CAMTA1: variants seen among roughly 807,000 people sequenced by gnomAD.
CAMTA1 encodes the protein calmodulin binding transcription activator 1.
CAMTA1 carries 27 observed loss-of-function variants against 170.9 expected under a neutral mutation model. The observed-to-expected ratio is 0.16, with a 90% CI of 0.12 to 0.22. The LOEUF (loss-of-function observed/expected upper bound fraction) is 0.22, where lower values mean the gene tolerates loss of function less well. CAMTA1 is among the 10% of genes least tolerant of loss of function. The pLI is 1.00. For missense variants in CAMTA1, 1,619 were observed against 2,217.2 expected, an observed-to-expected ratio of 0.73 and a Z score of 5.42; for synonymous variants, 833 against 891.5, an observed-to-expected ratio of 0.93 and a Z score of 1.17.
chr1:7,136,152 G>A (rs1162396592), intron 4 of CAMTA1, among the ~76,000 whole-genome samples: 6 of 152,190 alleles, frequency 3.9e-5, no homozygotes, highest in Non-Finnish European at 7.3e-5. Flanking sequence ...ACAATATCAT[G>A]TGGTCTCCTC....
chr1:7,712,411 C>CTT, intron 11 of CAMTA1, among the ~76,000 whole-genome samples: 1 of 151,990 alleles, frequency 6.6e-6, no homozygotes, highest in Non-Finnish European at 1.5e-5. Context: ...ACTCCCACTG[C>CTT]CCAGGCTCAA....
intron 5 of CAMTA1, among the ~76,000 whole-genome samples, chr1:7,419,200 A>G (rs2091397451): frequency 6.1e-5 from 2 of 32,658 alleles, no homozygotes; most frequent in South Asian, 1.9e-3. Context: ...CTTGTTGCCC[A>G]GGCTGGAATG....
At chr1:7,088,871 G>A (rs141781114) in intron 3 of CAMTA1, among the ~76,000 whole-genome samples, 5 of 152,218 alleles carry the variant, frequency 3.3e-5, no homozygotes, top group African/African-American at 7.2e-5. Flanking sequence ...GTAAATCCAC[G>A]TACTGACTCC....
chr1:7,029,378 T>C (rs1702472011), intron 3 of CAMTA1, among the ~76,000 whole-genome samples: 1 of 150,852 alleles, frequency 6.6e-6, no homozygotes, highest in Admixed American at 6.7e-5. Context: ...GGCGGGTGCC[T>C]GTAGTCCCAG....
chr1:7,552,974 C>T (rs1375572110), intron 6 of CAMTA1, among the ~76,000 whole-genome samples: 4 of 152,146 alleles, frequency 2.6e-5, no homozygotes, highest in Admixed American at 6.5e-5. Flanking sequence ...CCCCAACAGC[C>T]GGTGAGGACA....
At chr1:7,511,173 C>G (rs2094197600) in intron 6 of CAMTA1, among the ~76,000 whole-genome samples, 1 of 145,274 alleles carries the variant, frequency 6.9e-6, no homozygotes, top group Non-Finnish European at 1.5e-5. Context: ...TAGCAGGGCA[C>G]CTTGCATAGT....
chr1:6,864,044 A>C (rs566774049), intron 3 of CAMTA1, among the ~76,000 whole-genome samples: 1 of 152,204 alleles, frequency 6.6e-6, no homozygotes, highest in African/African-American at 2.4e-5. Flanking sequence ...AAGGAAGACC[A>C]CAGCGGCAAA....
At chr1:7,337,046 T>G (rs992469629) in intron 5 of CAMTA1, among the ~76,000 whole-genome samples, 2 of 152,246 alleles carry the variant, frequency 1.3e-5, no homozygotes, top group African/African-American at 4.8e-5. Flanking sequence ...GAGCAATAAC[T>G]AATACATGAC....
intron 5 of CAMTA1, among the ~76,000 whole-genome samples, chr1:7,276,278 C>CATATATATATATATATAT (rs1210333666): frequency 3.8e-4 from 22 of 58,528 alleles, no homozygotes; most frequent in East Asian, 1.5e-3. Context: ...TACACCTGAT[C>CATATATATATATATATAT]ATATATATAT....
In CAMTA1 at chr1:7,510,976, G is replaced by C. The variant is rs1246986978; in HGVS notation, c.510+43075G>C. ...CCCACTCTAAAGCCACCTTTTCCAGGGAGGCTCCTGGGAGCTTCGAGCCTC... is the reference window on the plus strand; with the variant it reads ...CCCACTCTAAAGCCACCTTTTCCAGCGAGGCTCCTGGGAGCTTCGAGCCTC... On this transcript the variant is annotated intron_variant, in intron 6 of 22. Coordinates refer to ENST00000303635, the MANE Select transcript of CAMTA1 (RefSeq NM_015215.4). 1.4e-5 allele frequency among the ~76,000 whole-genome samples: 2 copies of C among 144,634 alleles called. 1 individual carries two copies. Among genetic ancestry groups the C allele is most frequent in the Non-Finnish European group, 3.1e-5 (2 of 64,534 alleles). The allele number at this position is 144,634 out of a possible 152,430, so 94.9% of individuals were successfully genotyped here.
chr1:7,619,670 G>A (rs1035557478), intron 6 of CAMTA1, among the ~76,000 whole-genome samples: 11 of 148,462 alleles, frequency 7.4e-5, no homozygotes, highest in African/African-American at 2.3e-4. Flanking sequence ...TTTTTTTTGA[G>A]ATGGAGTCTC....
intron 11 of CAMTA1, among the ~76,000 whole-genome samples, chr1:7,717,577 C>T (rs1010374165): frequency 5.9e-5 from 9 of 151,938 alleles, no homozygotes; most frequent in Non-Finnish European, 1.3e-4. Flanking sequence ...GAAACCCTAC[C>T]TCTACCAAAA....
At chr1:7,053,436 C>T (rs532363378) in intron 3 of CAMTA1, among the ~76,000 whole-genome samples, 8 of 152,362 alleles carry the variant, frequency 5.3e-5, no homozygotes, top group East Asian at 1.9e-4. Context: ...CCTGCCTCTG[C>T]GCCCTTGCTC....
rs2094980081 is a variant in CAMTA1 at position 7,562,987 on chromosome 1, GA to G, written c.511-77412del. 1.3e-5 allele frequency among the ~76,000 whole-genome samples: 2 copies of G among 152,218 alleles called. No individual in the cohort carries two copies. The highest frequency in any genetic ancestry group is 1.3e-4 in the Admixed American group (2 of 15,290). On this transcript the variant is annotated intron_variant, in intron 6 of 22. Coordinates refer to ENST00000303635, the MANE Select transcript of CAMTA1 (RefSeq NM_015215.4). The surrounding 1 kb of genome is among the most constrained non-coding windows in gnomAD (Gnocchi z 4.8). ...GTTGGGGGCTGTGAGGCCCATCACA[GA>G]GGTGCTTTCTGGGTACACTGCTTCC...
intron 3 of CAMTA1, among the ~76,000 whole-genome samples, chr1:7,020,774 G>A (rs1259646007): frequency 6.6e-6 from 1 of 152,218 alleles, no homozygotes; most frequent in African/African-American, 2.4e-5. Flanking sequence ...CAGAGCTGGA[G>A]AGGGACCAGG....
chr1:7,249,138 G>T lies in CAMTA1; in HGVS notation c.303-353G>T, dbSNP rs1211328481. On this transcript the variant is annotated intron_variant, in intron 4 of 22. Transcript: ENST00000303635. The surrounding 1 kb of genome is among the most constrained non-coding windows in gnomAD (Gnocchi z 4.4). ...CACAAGAGATAAGATATTGCAGGCT[G>T]CCACGACACCCCTGGCTCTTTTTGC... Among the ~76,000 whole-genome samples, 2 of 152,164 alleles carry T rather than the reference G, an allele frequency of 1.3e-5. No individual in the cohort carries two copies. Among genetic ancestry groups the T allele is most frequent in the Non-Finnish European group, 2.9e-5 (2 of 68,038 alleles).
chr1:7,728,710 A>G (rs1037877418), intron 11 of CAMTA1, among the ~76,000 whole-genome samples: 1 of 152,262 alleles, frequency 6.6e-6, no homozygotes, highest in Non-Finnish European at 1.5e-5. Flanking sequence ...GGCAACTGCC[A>G]TGCTGCTTGG....
intron 4 of CAMTA1, among the ~76,000 whole-genome samples, chr1:7,183,508 A>G (rs572953993): frequency 6.6e-6 from 1 of 152,346 alleles, no homozygotes; most frequent in African/African-American, 2.4e-5. Flanking sequence ...CCCCACCCAC[A>G]AGGTTATCCA....
intron 3 of CAMTA1, among the ~76,000 whole-genome samples, chr1:6,857,553 T>C (rs1261577284): frequency 6.6e-6 from 1 of 152,172 alleles, no homozygotes; most frequent in African/African-American, 2.4e-5. Flanking sequence ...AGCCAGAAAG[T>C]AGCAGGCAAG....
Sources: gnomAD v4.1 joint callset for allele counts (sites outside exome capture counted in the v4.1 genomes callset) on GRCh38, gnomAD v4.1.1 for gene constraint, Gnocchi (gnomAD v3.1) non-coding constraint, MANE v1.5 for transcripts, NCBI Gene and HGNC (gene_info 2026-07-23, HGNC 2026-07-21) for gene names.